The following TET3 variants were observed in gnomAD, a reference collection of about 807,000 sequenced individuals.
TET3 encodes the protein tet methylcytosine dioxygenase 3, also known as methylcytosine dioxygenase TET3.
A neutral mutation model predicts 141.4 loss-of-function variants in TET3; 19 were observed. The observed-to-expected ratio is 0.13, with a 90% CI of 0.09 to 0.20. The LOEUF (loss-of-function observed/expected upper bound fraction) is 0.20. TET3 is among the 10% of genes least tolerant of loss of function. TET3 has a pLI of 1.00. For synonymous variants in TET3, 1,043 were observed against 980.9 expected (o/e 1.06, Z -1.18); for missense variants, 1,874 against 2,356.9 (o/e 0.80, Z 4.24).
chr2:74,080,602 A>G lies in TET3; in HGVS notation c.2679+11A>G, dbSNP rs769818730. ...CCCATTGCAAAGTGGGTGAGTGTTGAGCCCACTCAAGAGCCACAGCTGTGC... is the reference window on the plus strand; with the variant it reads ...CCCATTGCAAAGTGGGTGAGTGTTGGGCCCACTCAAGAGCCACAGCTGTGC... On this transcript the variant is annotated intron_variant, in intron 6 of 11. Transcript: ENST00000409262. 2 of 1,593,864 alleles carry G rather than the reference A, an allele frequency of 1.3e-6. No homozygotes were observed. The highest frequency in any genetic ancestry group is 2.2e-5 in the South Asian group (2 of 89,216).
chr2:74,123,876 G>A, the TET3 span, among the ~76,000 whole-genome samples: 23 of 146,862 alleles, frequency 1.6e-4, no homozygotes, highest in East Asian at 2.2e-3. Context: ...CCGCCGCCCC[G>A]TCTGGGATGT....
At chr2:74,061,673 C>T (rs531838871) in intron 4 of TET3, among the ~76,000 whole-genome samples, 4 of 146,354 alleles carry the variant, frequency 2.7e-5, no homozygotes, top group East Asian at 2.0e-4. Context: ...GGGTGGCTGC[C>T]GGGCGGAGGG....
chr2:74,127,204 C>G, the TET3 span, among the ~76,000 whole-genome samples: 12 of 152,280 alleles, frequency 7.9e-5, 1 homozygote, highest in South Asian at 1.9e-3. Context: ...CTTGTTGATC[C>G]GGATGACCTC....
intron 3 of TET3, among the ~76,000 whole-genome samples, chr2:74,004,585 CA>C (rs1458238711): frequency 1.3e-5 from 2 of 152,128 alleles, no homozygotes; most frequent in Admixed American, 6.5e-5. Flanking sequence ...GGAGAAGAGC[CA>C]GGGGGCATCG....
chr2:74,066,934 T>G (rs909402743), intron 4 of TET3, among the ~76,000 whole-genome samples: 3 of 152,188 alleles, frequency 2.0e-5, no homozygotes, highest in African/African-American at 7.2e-5. Context: ...GCAGTCAATT[T>G]GTTACTTTGA....
chr2:74,009,139 C>T (rs1472274977), intron 3 of TET3, among the ~76,000 whole-genome samples: 1 of 152,192 alleles, frequency 6.6e-6, no homozygotes, highest in Non-Finnish European at 1.5e-5. Context: ...GGCCTTGGTT[C>T]CTAGCCCTGC....
chr2:73,993,811 G>C (rs1684446564), intron 2 of TET3: 1 of 152,238 alleles, frequency 6.6e-6, no homozygotes, highest in Admixed American at 6.5e-5. Flanking sequence ...CTGCTCAGCA[G>C]CCTGATTCAG....
Position 74,100,449 on chromosome 2 carries a change from G to A in TET3, c.3661G>A (p.Glu1221Lys), listed in dbSNP as rs1223953215. The A allele has an allele frequency of 6.3e-7, 1 of 1,581,560 alleles. No homozygotes were observed. Among genetic ancestry groups the A allele is most frequent in the Non-Finnish European group, 8.6e-7 (1 of 1,164,090 alleles). The change falls in exon 12 of 12, where the codon GAG becomes AAG. Residue 1221 changes from glutamate to lysine, a missense_variant. By Grantham distance (56) the Glu-to-Lys change is moderately conservative. Coordinates refer to ENST00000409262, the MANE Select transcript of TET3 (RefSeq NM_001287491.2). ...AGGCCTGAAGCCCTCCCTCAAGGTG[G>A]AGCCGCAGAACCACTTCAGCTCCTT... ...QQGLKPSLKVEPQNHFSSFKY... is the reference protein window; with the variant it reads ...QQGLKPSLKVKPQNHFSSFKY...
rs1248357338 is a variant in TET3, at chr2:74,107,889, A to C, written c.*5713A>C. ...ACTGTAGATATTCTTAGTACAGTAA[A>C]TTTATGCTGATAATTTTATTTTGTA... is the stretch of plus-strand genomic sequence containing the variant. On this transcript the variant is annotated 3_prime_UTR_variant, in exon 12 of 12. Transcript: ENST00000409262. 3 of 152,418 alleles carry C rather than the reference A, an allele frequency of 2.0e-5. No individual in the cohort carries two copies. Among genetic ancestry groups the C allele is most frequent in the Non-Finnish European group, 2.9e-5 (2 of 68,038 alleles). 9.4% of individuals were successfully genotyped at this position (152,418 alleles called of 1,614,324 possible).
In TET3 at chr2:74,003,180, G is replaced by T. The variant is rs528890881; in HGVS notation, c.360+14G>T. 3.7e-5 allele frequency: 58 copies of T among 1,546,854 alleles called. No homozygotes were observed. In the East Asian group the frequency reaches 1.2e-3, roughly 32 times the overall value. ...GCGGCTGTCAAGGTACCTTGTGTGT[G>T]TGCGTGCGTGTGTGTGCGTGTGTGT... On this transcript the variant is annotated intron_variant, in intron 3 of 11. Coordinates refer to ENST00000409262, the MANE Select transcript of TET3 (RefSeq NM_001287491.2).
intron 3 of TET3, among the ~76,000 whole-genome samples, chr2:74,039,157 CT>C (rs1687216857): frequency 6.6e-6 from 1 of 152,188 alleles, no homozygotes; most frequent in South Asian, 2.1e-4. Context: ...GTCCACACAC[CT>C]GCCTCCCCTG....
In TET3 at chr2:74,046,607, T is replaced by C; in HGVS notation, c.690T>C (p.Arg230=). The change falls in exon 4 of 12, where the codon CGT becomes CGC. Residue 230 remains arginine (R), a synonymous_variant. Coordinates refer to ENST00000409262, the MANE Select transcript of TET3 (RefSeq NM_001287491.2). This position sits in a 1 kb window ranked among gnomAD's most constrained non-coding sequence, Gnocchi z 4.3. ...AAACCTTCAACCGTGAGATGAGTCGTGAGGCTGGGAACAACAGCAGGGGAC... is the reference window on the plus strand; with the variant it reads ...AAACCTTCAACCGTGAGATGAGTCGCGAGGCTGGGAACAACAGCAGGGGAC... ...LYETFNREMS[R]EAGNNSRGPR... The C allele has an allele frequency of 6.2e-7, 1 of 1,613,964 alleles. No individual in the cohort carries two copies. Among genetic ancestry groups the C allele is most frequent in the South Asian group, 1.1e-5 (1 of 91,082 alleles).
intron 3 of TET3, among the ~76,000 whole-genome samples, chr2:74,037,972 T>C (rs1687154974): frequency 6.6e-6 from 1 of 152,204 alleles, no homozygotes; most frequent in Non-Finnish European, 1.5e-5. Flanking sequence ...TTCCACACTT[T>C]TCCAGCCTTG....
At chr2:74,084,870 G>A (rs897358395) in intron 6 of TET3, among the ~76,000 whole-genome samples, 3 of 152,052 alleles carry the variant, frequency 2.0e-5, no homozygotes, top group Non-Finnish European at 4.4e-5. Flanking sequence ...AGGAGGCAGA[G>A]GTGTTAGTGA....
chr2:74,099,891 G>A (rs1183335272), intron 11 of TET3, among the ~76,000 whole-genome samples: 2 of 152,130 alleles, frequency 1.3e-5, no homozygotes, highest in African/African-American at 2.4e-5. Flanking sequence ...GCTCCCCTCT[G>A]AGCTCTAGTT....
At chr2:74,112,272 G>GATAAT (rs1691722634), downstream of TET3, among the ~76,000 whole-genome samples, 1 of 151,686 alleles carries the variant, frequency 6.6e-6, no homozygotes, top group Non-Finnish European at 1.5e-5. Flanking sequence ...TCTCCTTGGT[G>GATAAT]CACCTCCCCA....
At chr2:74,125,047 C>G in the TET3 span, among the ~76,000 whole-genome samples, 1 of 150,998 alleles carries the variant, frequency 6.6e-6, no homozygotes, top group African/African-American at 2.4e-5. Flanking sequence ...CACTCTGTCA[C>G]CCAGGCTGGG....
At chr2:74,004,066 T>G (rs1478571949) in intron 3 of TET3, among the ~76,000 whole-genome samples, 3 of 152,022 alleles carry the variant, frequency 2.0e-5, no homozygotes, top group African/African-American at 7.3e-5. Context: ...GAAAACAGAT[T>G]GGGAGGTGGC....
intron 3 of TET3, among the ~76,000 whole-genome samples, chr2:74,036,366 C>T (rs558945100): frequency 2.4e-4 from 36 of 152,142 alleles, no homozygotes; most frequent in Non-Finnish European, 4.3e-4. Context: ...AGTATTTTTT[C>T]ATATGTTTAT....
Sources: allele counts gnomAD v4.1 joint callset (sites outside exome capture counted in the v4.1 genomes callset), GRCh38; gene constraint gnomAD v4.1.1; non-coding constraint Gnocchi (gnomAD v3.1); transcripts MANE v1.5; gene names NCBI Gene and HGNC (gene_info 2026-07-23, HGNC 2026-07-21).